The following PLOD1 variants were observed in gnomAD, a reference collection of about 807,000 sequenced individuals.
PLOD1 encodes the protein procollagen-lysine,2-oxoglutarate 5-dioxygenase 1.
A neutral mutation model predicts 94.7 loss-of-function variants in PLOD1; 70 were observed. The observed-to-expected ratio is 0.74, with a 90% CI of 0.61 to 0.90. The LOEUF is 0.90. Ranked by LOEUF, PLOD1 falls within the 40% of genes least tolerant of loss-of-function variation. PLOD1 has a pLI of 0.00. For missense variants in PLOD1, 905 were observed against 972.7 expected (o/e 0.93, Z 0.93); for synonymous variants, 417 against 400.2 (o/e 1.04, Z -0.50).
At position 11,972,205 on chromosome 1, in the gene PLOD1, CCTTCCTCTCT is replaced by C. The variant is rs1158767951; in HGVS notation, c.1903-664_1903-655del. 2.0e-4 allele frequency: 26 copies of C among 129,024 alleles called. No homozygotes were observed. The highest frequency in any genetic ancestry group is 7.9e-4 in the African/African-American group (25 of 31,712). 8.0% of individuals were successfully genotyped at this position (129,024 alleles called of 1,614,324 possible). A position where few individuals can be genotyped will look rare whatever the true frequency, so the allele number is the denominator to read the frequency against. ...CGTTCCTTTCTTCCCTTCCTTCCTT[CCTTCCTCTCT>C]CTCTCTCTCTCTCTTTCTTTCTCTC... On this transcript the variant is annotated intron_variant, in intron 17 of 18. Coordinates refer to ENST00000196061, the MANE Select transcript of PLOD1 (RefSeq NM_000302.4). The surrounding 1 kb of genome is among the most constrained non-coding windows in gnomAD (Gnocchi z 4.6).
intron 1 of PLOD1, among the ~76,000 whole-genome samples, chr1:11,935,769 CA>C (rs1645574037): frequency 6.6e-6 from 1 of 152,134 alleles, no homozygotes; most frequent in African/African-American, 2.4e-5. Context: ...GGATTACAGG[CA>C]CGTGCCACCA....
chr1:11,958,573 G>A lies in PLOD1; in HGVS notation c.901G>A (p.Val301Met), dbSNP rs761815159. 3.1e-6 allele frequency: 5 copies of A among 1,614,088 alleles called. No individual in the cohort carries two copies. The highest frequency in any genetic ancestry group is 4.2e-6 in the Non-Finnish European group (5 of 1,180,006). ...GTTCATCGAACAGCCCACGCCGTTT[G>A]TGTCCCTGTTCTTCCAGCGGCTCCT... The part of the protein sequence containing the change: ...GVFIEQPTPF[V>M]SLFFQRLLRL... Residue 301 changes from valine to methionine, a missense_variant, in exon 9 of 19, where the codon GTG becomes ATG. Transcript: ENST00000196061. The surrounding 1 kb of genome is among the most constrained non-coding windows in gnomAD (Gnocchi z 4.3).
rs576416937 is a variant in PLOD1, at chr1:11,972,899, C to T, written c.1930C>T (p.Arg644Cys). Reference protein sequence around the residue: ...RAQFDLAFVVRYKPDEQPSLM... With the variant: ...RAQFDLAFVVCYKPDEQPSLM... Reference sequence around the variant, plus strand: ...CCAGTTTGACCTGGCCTTTGTCGTCCGCTACAAGCCTGATGAGCAGCCCTC... The same window carrying T: ...CCAGTTTGACCTGGCCTTTGTCGTCTGCTACAAGCCTGATGAGCAGCCCTC... Residue 644 changes from arginine to cysteine, a missense_variant, in exon 18 of 19, where the codon CGC (arginine) becomes TGC (cysteine). Coordinates refer to ENST00000196061, the MANE Select transcript of PLOD1 (RefSeq NM_000302.4). This position sits in a 1 kb window ranked among gnomAD's most constrained non-coding sequence, Gnocchi z 4.6. The T allele has an allele frequency of 3.5e-5, 56 of 1,614,066 alleles. No individual in the cohort carries two copies. The highest frequency in any genetic ancestry group is 1.8e-4 in the Admixed American group (11 of 59,990).
chr1:11,966,550 C>T, intron 15 of PLOD1: 1 of 556,602 alleles, frequency 1.8e-6, no homozygotes, highest in Non-Finnish European at 3.3e-6. Context: ...AGGATGGCCC[C>T]TCTACCTGTT....
At chr1:11,946,821 G>T (rs886963806) in intron 1 of PLOD1, among the ~76,000 whole-genome samples, 4 of 152,162 alleles carry the variant, frequency 2.6e-5, no homozygotes, top group Non-Finnish European at 4.4e-5. Context: ...TTCTCAAGAG[G>T]TTTATTTGGC....
intron 1 of PLOD1, among the ~76,000 whole-genome samples, chr1:11,939,232 T>C (rs1252287673): frequency 6.6e-6 from 1 of 151,534 alleles, no homozygotes; most frequent in Admixed American, 6.6e-5. Flanking sequence ...TGGGGCCGGG[T>C]CTGGGGAGAC....
intron 5 of PLOD1, chr1:11,954,397 A>T: frequency 4.9e-6 from 2 of 407,618 alleles, no homozygotes; most frequent in Admixed American, 5.3e-5. Flanking sequence ...GAGGCAGGAG[A>T]ATCGCTTGAA....
chr1:11,961,877 G>A (rs929474471), intron 10 of PLOD1, among the ~76,000 whole-genome samples: 4 of 152,184 alleles, frequency 2.6e-5, no homozygotes, highest in East Asian at 3.9e-4. Flanking sequence ...CAACCTCCCC[G>A]TCCCAGGTTC....
chr1:11,951,224 G>T (rs1645698574), intron 4 of PLOD1, among the ~76,000 whole-genome samples: 1 of 152,128 alleles, frequency 6.6e-6, no homozygotes, highest in Admixed American at 6.5e-5. Flanking sequence ...CTACCCTCAT[G>T]CCCTTCCAGG....
At chr1:11,964,053 T>G in intron 11 of PLOD1, 122 bp from the exon 12 acceptor site, 1 of 1,019,136 alleles carries the variant, frequency 9.8e-7, no homozygotes, top group Non-Finnish European at 1.5e-6. Context: ...CCTGTCTCAG[T>G]GAGGTGCTTG....
intron 10 of PLOD1, among the ~76,000 whole-genome samples, chr1:11,962,462 G>A (rs1320930007): frequency 6.6e-6 from 1 of 151,252 alleles, no homozygotes; most frequent in Non-Finnish European, 1.5e-5. Context: ...ATTTTTAGTA[G>A]AGACGGGGTT....
chr1:11,941,381 G>C (rs970010673), intron 1 of PLOD1, among the ~76,000 whole-genome samples: 2 of 151,746 alleles, frequency 1.3e-5, no homozygotes. Flanking sequence ...ACCCGGGCTG[G>C]GGTGCAGTGG....
At chr1:11,954,363 G>A (rs767988757) in intron 5 of PLOD1, 18 of 341,522 alleles carry the variant, frequency 5.3e-5, no homozygotes, top group Non-Finnish European at 8.2e-5. Flanking sequence ...GCACATGCCC[G>A]TAGTCCCAGC....
At chr1:11,948,698 C>G (rs1163991662) in intron 2 of PLOD1, among the ~76,000 whole-genome samples, 1 of 151,746 alleles carries the variant, frequency 6.6e-6, no homozygotes, top group Non-Finnish European at 1.5e-5. Context: ...TCACTGCACT[C>G]CAGCCTGGGC....
At chr1:11,952,979 A>C (rs910084896) in intron 5 of PLOD1, among the ~76,000 whole-genome samples, 2 of 152,308 alleles carry the variant, frequency 1.3e-5, no homozygotes, top group South Asian at 2.1e-4. Context: ...GTACAGACAC[A>C]GCTGACTTCT....
chr1:11,944,503 C>G (rs751914892), intron 1 of PLOD1: 29 of 1,328,082 alleles, frequency 2.2e-5, no homozygotes, highest in Non-Finnish European at 2.8e-5. Flanking sequence ...AAATGTGACA[C>G]TCTTCCTGTC....
At chr1:11,961,006 C>T (rs1645774582) in intron 10 of PLOD1, among the ~76,000 whole-genome samples, 1 of 151,874 alleles carries the variant, frequency 6.6e-6, no homozygotes, top group Non-Finnish European at 1.5e-5. Flanking sequence ...GGAAGCAAAT[C>T]AGAGAAAGAG....
At chr1:11,944,422 T>TGCACACACAC in intron 1 of PLOD1, 1 of 475,660 alleles carries the variant, frequency 2.1e-6, no homozygotes, top group Non-Finnish European at 3.6e-6. Context: ...CATGCACGCG[T>TGCACACACAC]ACACACACAC....
rs1557498103 is a variant in PLOD1, at chr1:11,967,173, A to G, written c.1755+82A>G. ...GCTCACTGTCTGGGGTCTTCTGGCA[A>G]GCTGGCCTGGCCACCCTTTCTGGGA... On this transcript the variant is annotated intron_variant, in intron 16 of 18. Transcript: ENST00000196061. The G allele has an allele frequency of 3.2e-6, 3 of 933,160 alleles. No homozygotes were observed. In the South Asian group the frequency reaches 3.9e-5, roughly 12 times the overall value. The allele number at this position is 933,160 out of a possible 1,614,324, so 57.8% of individuals were successfully genotyped here.
Sources: allele counts gnomAD v4.1 joint callset (sites outside exome capture counted in the v4.1 genomes callset), GRCh38; gene constraint gnomAD v4.1.1; non-coding constraint Gnocchi (gnomAD v3.1); transcripts MANE v1.5; gene names NCBI Gene and HGNC (gene_info 2026-07-23, HGNC 2026-07-21).